The following NRIP1 variants were observed in gnomAD, a reference collection of about 807,000 sequenced individuals.
NRIP1 encodes nuclear receptor interacting protein 1.
A neutral mutation model predicts 75.0 loss-of-function variants in NRIP1; 28 were observed. That is an observed-to-expected ratio of 0.37 (90% CI 0.28 to 0.51). The LOEUF (loss-of-function observed/expected upper bound fraction) is 0.51, where lower values mean the gene tolerates loss of function less well. Ranked by LOEUF, NRIP1 falls within the 20% of genes least tolerant of loss-of-function variation. NRIP1 has a pLI of 0.92. For missense variants in NRIP1, 1,435 were observed against 1,343.7 expected (o/e 1.07, Z -1.06); for synonymous variants, 526 against 487.6 (o/e 1.08, Z -1.04).
rs1400170847 is a variant in NRIP1 at position 15,036,518 on chromosome 21, T to C, written c.-458+6977A>G. Reference sequence around the variant, plus strand: ...TGAAACTCATTTCCTCCTTTAACCTTTTACCATTTCTTTCTGTGAACTAAA... The same window carrying C: ...TGAAACTCATTTCCTCCTTTAACCTCTTACCATTTCTTTCTGTGAACTAAA... On this transcript the variant is annotated intron_variant, in intron 2 of 3. Transcript: ENST00000318948. 2.0e-5 allele frequency among the ~76,000 whole-genome samples: 3 copies of C among 152,002 alleles called. No homozygotes were observed. The East Asian group carries it at 5.8e-4, about 29-fold the overall frequency.
intron 2 of NRIP1, among the ~76,000 whole-genome samples, chr21:15,021,978 C>T (rs560566394): frequency 5.3e-5 from 8 of 152,180 alleles, no homozygotes; most frequent in East Asian, 1.9e-4. Context: ...TGGAAGACAG[C>T]GTGGCAAGTC....
chr21:14,989,888 A>G (rs1157082933), intron 3 of NRIP1, among the ~76,000 whole-genome samples: 1 of 152,118 alleles, frequency 6.6e-6, no homozygotes, highest in Non-Finnish European at 1.5e-5. Flanking sequence ...CCACTAGAAA[A>G]TAAACAAAAA....
intron 1 of NRIP1, among the ~76,000 whole-genome samples, chr21:15,045,140 C>T (rs568164019): frequency 7.2e-5 from 11 of 152,120 alleles, no homozygotes; most frequent in Non-Finnish European, 1.3e-4. Flanking sequence ...CTCTCCTAAT[C>T]CCCCCGGCCC....
At chr21:14,976,590 T>C (rs2087076558) in intron 3 of NRIP1, among the ~76,000 whole-genome samples, 1 of 152,172 alleles carries the variant, frequency 6.6e-6, no homozygotes, top group Non-Finnish European at 1.5e-5. Flanking sequence ...AGCTAAACTA[T>C]TTTCATTGCA....
chr21:15,052,971 T>C (rs1326300352), intron 1 of NRIP1, among the ~76,000 whole-genome samples: 1 of 152,244 alleles, frequency 6.6e-6, no homozygotes, highest in Non-Finnish European at 1.5e-5. Flanking sequence ...ATATTAATTT[T>C]AGATTTTCAA....
chr21:15,043,590 A>C lies in NRIP1; in HGVS notation c.-537-16T>G, dbSNP rs2089005371. On this transcript the variant is annotated splice_polypyrimidine_tract_variant and intron_variant, in intron 1 of 3. Transcript: ENST00000318948. ...CAAACACTTCCTGAAAATTAAGAGA[A>C]ATAAGTGTTACTTCAAGTGCACCTT... The C allele has an allele frequency of 6.6e-6, 1 of 152,228 alleles. No individual in the cohort carries two copies. The allele number at this position is 152,228 out of a possible 1,614,324, so 9.4% of individuals were successfully genotyped here.
chr21:15,023,967 T>A (rs2088444562), intron 2 of NRIP1, among the ~76,000 whole-genome samples: 2 of 152,198 alleles, frequency 1.3e-5, no homozygotes, highest in African/African-American at 4.8e-5. Context: ...TGGTTACCCA[T>A]CGTGGAGGCA....
At position 14,965,885 on chromosome 21, in the gene NRIP1, C is replaced by T; in HGVS notation, c.2308G>A (p.Val770Met). ...CDDLQIPNTN[V>M]HLSHDAKSAP... The stretch of plus-strand genomic sequence containing the variant: ...CTCTTAGCATCATGGCTCAAGTGCA[C>T]ATTTGTGTTAGGAATTTGTAAGTCA... Residue 770 changes from valine to methionine, a missense_variant, in exon 4 of 4, where the codon GTG becomes ATG. Physicochemically the swap from Val to Met is conservative, Grantham distance 21 (BLOSUM62 1). Transcript: ENST00000318948. The T allele has an allele frequency of 6.2e-7, 1 of 1,614,054 alleles. No individual in the cohort carries two copies. Among genetic ancestry groups the T allele is most frequent in the Non-Finnish European group, 8.5e-7 (1 of 1,179,986 alleles).
At chr21:15,051,473 A>G (rs1442329453) in intron 1 of NRIP1, 1 of 152,952 alleles carries the variant, frequency 6.5e-6, no homozygotes, top group Non-Finnish European at 1.5e-5. Flanking sequence ...TGTAAGGAAC[A>G]GGTCAAAAAC....
intron 2 of NRIP1, among the ~76,000 whole-genome samples, chr21:15,019,096 T>C (rs928186298): frequency 6.0e-5 from 9 of 150,082 alleles, no homozygotes; most frequent in African/African-American, 1.7e-4. Flanking sequence ...TACTCTTTTA[T>C]GTGGGTTTTT....
intron 2 of NRIP1, among the ~76,000 whole-genome samples, chr21:15,018,384 A>G (rs1361183168): frequency 6.6e-6 from 1 of 152,304 alleles, no homozygotes; most frequent in East Asian, 1.9e-4. Context: ...CAGAAAATAA[A>G]ATAATTGAAG....
chr21:14,967,750 G>C lies in NRIP1; in HGVS notation c.443C>G (p.Ala148Gly). Residue 148 changes from alanine (A) to glycine (G), a missense_variant, in exon 4 of 4, where the codon GCT (alanine) becomes GGT (glycine). Ala to Gly is a moderately conservative substitution (Grantham distance 60, BLOSUM62 0). Transcript: ENST00000318948. ...GCTCTGCCTGATTTGTTGTGACAGAGCAACAGTCTGCAGCCTAGAGCTGAA... is the reference window on the plus strand; with the variant it reads ...GCTCTGCCTGATTTGTTGTGACAGACCAACAGTCTGCAGCCTAGAGCTGAA... ...QSFSSRLQTV[A>G]LSQQIRQSLK... 1 of 1,614,164 alleles carries C rather than the reference G, an allele frequency of 6.2e-7. No homozygotes were observed. The highest frequency in any genetic ancestry group is 1.1e-5 in the South Asian group (1 of 91,082).
rs1568935259 is a variant in NRIP1, at chr21:14,965,166, A to G, written c.3027T>C (p.Pro1009=). ...TFSYPGVVKT[P]VSPTFPEHLG... is the part of the protein sequence containing the mutation. ...AGTGCTCAGGGAAAGTAGGACTCACAGGAGTTTTTACTACACCTGGGTATG... is the reference window on the plus strand; with the variant it reads ...AGTGCTCAGGGAAAGTAGGACTCACGGGAGTTTTTACTACACCTGGGTATG... The change falls in exon 4 of 4, where the codon CCT becomes CCC. Residue 1009 remains proline, a synonymous_variant. Transcript: ENST00000318948. 3 of 1,613,294 alleles carry G rather than the reference A, an allele frequency of 1.9e-6. No individual in the cohort carries two copies. The highest frequency in any genetic ancestry group is 1.7e-5 in the Admixed American group (1 of 59,934).
At chr21:15,016,938 GAAAGA>G (rs1285342003) in intron 2 of NRIP1, among the ~76,000 whole-genome samples, 1 of 144,166 alleles carries the variant, frequency 6.9e-6, no homozygotes, top group Non-Finnish European at 1.5e-5. Flanking sequence ...GAGAAAGAAA[GAAAGA>G]AAAGAAGAAA....
intron 3 of NRIP1, among the ~76,000 whole-genome samples, chr21:15,001,163 A>C (rs1266401223): frequency 6.6e-6 from 1 of 152,216 alleles, no homozygotes; most frequent in Non-Finnish European, 1.5e-5. Context: ...TAGTTTCAAG[A>C]ATACAAAAGT....
chr21:15,005,997 A>T (rs1568974472), intron 3 of NRIP1, among the ~76,000 whole-genome samples: 1 of 152,102 alleles, frequency 6.6e-6, no homozygotes, highest in Non-Finnish European at 1.5e-5. Context: ...AAATATTTCC[A>T]TCAATATTTA....
At chr21:15,044,512 G>T (rs536953300) in intron 1 of NRIP1, among the ~76,000 whole-genome samples, 13 of 151,936 alleles carry the variant, frequency 8.6e-5, no homozygotes, top group East Asian at 5.8e-4. Context: ...GGTACCATGC[G>T]AACTCCCTGA....
rs1056944 is a variant in NRIP1, at chr21:14,963,131, T to C, written c.*1585A>G. Reference sequence around the variant, plus strand: ...AGTAAAAGATCCAATGGAGTGATTGTGTACAATTCTGTCACGTATATGTGC... The same window carrying C: ...AGTAAAAGATCCAATGGAGTGATTGCGTACAATTCTGTCACGTATATGTGC... On this transcript the variant is annotated 3_prime_UTR_variant, in exon 4 of 4. Transcript: ENST00000318948. The C allele has an allele frequency of 6.6e-6, 1 of 152,406 alleles. No homozygotes were observed. Among genetic ancestry groups the C allele is most frequent in the Non-Finnish European group, 1.5e-5 (1 of 67,964 alleles). The allele number at this position is 152,406 out of a possible 1,614,324, so 9.4% of individuals were successfully genotyped here.
chr21:15,042,574 G>T lies in NRIP1; in HGVS notation c.-458+921C>A, dbSNP rs146667734. ...TTTGGTGAGTGATTAGATCATGAGG[G>T]CAATGCCCTCATGAACAGGATTAGT... On this transcript the variant is annotated intron_variant, in intron 2 of 3. Transcript: ENST00000318948. Among the ~76,000 whole-genome samples the T allele has an allele frequency of 9.9e-4, 151 of 152,284 alleles. 2 individuals carry two copies. In the East Asian group the frequency reaches 0.016, roughly 16 times the overall value.
Sources: allele counts gnomAD v4.1 joint callset (sites outside exome capture counted in the v4.1 genomes callset), GRCh38; gene constraint gnomAD v4.1.1; transcripts MANE v1.5; gene names NCBI Gene and HGNC (gene_info 2026-07-23, HGNC 2026-07-21).